RTN1: variants seen among roughly 807,000 people sequenced by gnomAD.
RTN1 encodes reticulon-1.
In RTN1, 25 loss-of-function variants were observed where a neutral mutation model predicts 65.5. The ratio of observed to expected loss-of-function variants is 0.38; its 90% CI spans 0.28 to 0.53. The LOEUF (loss-of-function observed/expected upper bound fraction) is 0.53. RTN1 is among the 20% of genes least tolerant of loss of function. The probability of loss-of-function intolerance (pLI) is 0.79; values close to 1 mark genes in which losing one functional copy is unlikely to be tolerated. For synonymous variants in RTN1, 471 were observed against 447.6 expected (o/e 1.05, Z -0.66); for missense variants, 983 against 1,025.4 (o/e 0.96, Z 0.57).
intron 1 of RTN1, among the ~76,000 whole-genome samples, chr14:59,781,183 T>C (rs146413359): frequency 1.3e-5 from 2 of 152,152 alleles, no homozygotes; most frequent in African/African-American, 4.8e-5. Context: ...CAAGTCTCCC[T>C]GATGCCAGAG....
intron 3 of RTN1, among the ~76,000 whole-genome samples, chr14:59,629,910 C>T (rs1004850291): frequency 6.6e-6 from 1 of 152,186 alleles, no homozygotes; most frequent in Non-Finnish European, 1.5e-5. Flanking sequence ...TATGTGGCTA[C>T]GCCATCATAT....
At position 59,766,940 on chromosome 14, in the gene RTN1, T is replaced by A. The variant is rs1205204448; in HGVS notation, c.242-20459A>T. 6.6e-6 allele frequency among the ~76,000 whole-genome samples: 1 copy of A among 152,242 alleles called. No homozygotes were observed. Among genetic ancestry groups the A allele is most frequent in the Admixed American group, 6.5e-5 (1 of 15,284 alleles). ...AGTATATCGGGCACTGAGCACCTACTATGTGGTAGGTACTTATTCTAGTTT... is the reference window on the plus strand; with the variant it reads ...AGTATATCGGGCACTGAGCACCTACAATGTGGTAGGTACTTATTCTAGTTT... On this transcript the variant is annotated intron_variant, in intron 1 of 8. Transcript: ENST00000267484. The surrounding 1 kb of genome is among the most constrained non-coding windows in gnomAD (Gnocchi z 4.4).
chr14:59,862,890 C>T (rs2139677228), intron 1 of RTN1, among the ~76,000 whole-genome samples: 1 of 152,272 alleles, frequency 6.6e-6, no homozygotes, highest in East Asian at 1.9e-4. Context: ...CCACTCCTGC[C>T]TTCACTCTGT....
At chr14:59,773,454 T>G (rs1885994979) in intron 1 of RTN1, among the ~76,000 whole-genome samples, 1 of 152,160 alleles carries the variant, frequency 6.6e-6, no homozygotes, top group Non-Finnish European at 1.5e-5. Context: ...AAAGTTAGTT[T>G]CTGATAAATA....
At chr14:59,604,785 T>A (rs1055900343) in intron 5 of RTN1, 13 of 152,318 alleles carry the variant, frequency 8.5e-5, no homozygotes, top group African/African-American at 3.1e-4. Context: ...TAACTTTGAT[T>A]CCACGTGTAA....
chr14:59,758,630 C>A (rs1415640703), intron 1 of RTN1, among the ~76,000 whole-genome samples: 1 of 152,218 alleles, frequency 6.6e-6, no homozygotes, highest in South Asian at 2.1e-4. Flanking sequence ...TCTCCATCTC[C>A]ACCCCAAGGG....
chr14:59,740,268 C>T (rs964330039), intron 2 of RTN1, among the ~76,000 whole-genome samples: 3 of 152,182 alleles, frequency 2.0e-5, no homozygotes, highest in African/African-American at 7.2e-5. Flanking sequence ...ATTTTTACAA[C>T]AGTGGCTCTT....
chr14:59,853,550 G>A (rs1039206867), intron 1 of RTN1, among the ~76,000 whole-genome samples: 5 of 151,960 alleles, frequency 3.3e-5, no homozygotes, highest in Admixed American at 1.3e-4. Flanking sequence ...CTTCTACCCC[G>A]GCATTCAGTG....
At chr14:59,867,806 G>A (rs1887824957) in intron 1 of RTN1, among the ~76,000 whole-genome samples, 1 of 152,094 alleles carries the variant, frequency 6.6e-6, no homozygotes, top group Admixed American at 6.5e-5. Flanking sequence ...TTCTTAGTTT[G>A]AGTTGAGTCC....
intron 2 of RTN1, among the ~76,000 whole-genome samples, chr14:59,738,764 A>G (rs1175579797): frequency 1.3e-5 from 2 of 152,216 alleles, no homozygotes; most frequent in African/African-American, 2.4e-5. Context: ...ATGCTCATCA[A>G]TGATAGACTG....
rs372806526 is a variant in RTN1 at position 59,795,955 on chromosome 14, T to A, written c.242-49474A>T. Among the ~76,000 whole-genome samples, 85 of 152,282 alleles carry A rather than the reference T, an allele frequency of 5.6e-4. 2 individuals are homozygous for A. The South Asian group carries it at 0.017, about 30-fold the overall frequency. On this transcript the variant is annotated intron_variant, in intron 1 of 8. Transcript: ENST00000267484. ...AATAATCTACATTATCCAAAAATTATGTATTAATCACCAACTATGTCCCAA... is the reference window on the plus strand; with the variant it reads ...AATAATCTACATTATCCAAAAATTAAGTATTAATCACCAACTATGTCCCAA...
intron 3 of RTN1, among the ~76,000 whole-genome samples, chr14:59,671,944 C>T (rs1285530735): frequency 6.6e-6 from 1 of 152,240 alleles, no homozygotes; most frequent in African/African-American, 2.4e-5. Context: ...ATATTTCTGA[C>T]ATCTAGTTCC....
At chr14:59,771,606 T>C (rs1368303188) in intron 1 of RTN1, among the ~76,000 whole-genome samples, 1 of 152,214 alleles carries the variant, frequency 6.6e-6, no homozygotes, top group African/African-American at 2.4e-5. Context: ...TCTTCAGCCA[T>C]GAAAATACTT....
intron 1 of RTN1, among the ~76,000 whole-genome samples, chr14:59,835,017 T>C (rs1207487313): frequency 1.3e-5 from 2 of 152,266 alleles, no homozygotes; most frequent in African/African-American, 2.4e-5. Flanking sequence ...TCCAAGAAAA[T>C]TGAAAGCAGA....
intron 1 of RTN1, among the ~76,000 whole-genome samples, chr14:59,791,217 C>T (rs1290068571): frequency 6.6e-6 from 1 of 152,034 alleles, no homozygotes; most frequent in Non-Finnish European, 1.5e-5. Context: ...ACTCTTTATC[C>T]TAGTTTCCGT....
At chr14:59,750,509 TATATA>T (rs368385135) in intron 1 of RTN1, among the ~76,000 whole-genome samples, 1 of 26,224 alleles carries the variant, frequency 3.8e-5, no homozygotes, top group Non-Finnish European at 7.8e-5. Flanking sequence ...ATCTATAATA[TATATA>T]ATATATCTAT....
At chr14:59,689,362 G>C (rs1435229029) in intron 3 of RTN1, among the ~76,000 whole-genome samples, 2 of 152,206 alleles carry the variant, frequency 1.3e-5, no homozygotes, top group African/African-American at 2.4e-5. Flanking sequence ...GAGACGGAAA[G>C]TCAACAATCT....
intron 1 of RTN1, among the ~76,000 whole-genome samples, chr14:59,818,054 T>C (rs919976516): frequency 4.6e-5 from 7 of 152,170 alleles, no homozygotes; most frequent in African/African-American, 1.7e-4. Flanking sequence ...TAGGCCACAG[T>C]GTCTGTTGTT....
intron 1 of RTN1, among the ~76,000 whole-genome samples, chr14:59,833,292 A>C (rs987018824): frequency 6.6e-6 from 1 of 152,228 alleles, no homozygotes. Context: ...GAAACAGCTC[A>C]TAACTCAGAG....
Sources: allele counts gnomAD v4.1 joint callset (sites outside exome capture counted in the v4.1 genomes callset), GRCh38; gene constraint gnomAD v4.1.1; non-coding constraint Gnocchi (gnomAD v3.1); transcripts MANE v1.5; gene names NCBI Gene and HGNC (gene_info 2026-07-23, HGNC 2026-07-21).